The following MYBL1 variants were observed in gnomAD, a reference collection of about 807,000 sequenced individuals.
MYBL1 encodes MYB proto-oncogene like 1.
MYBL1 carries 17 observed loss-of-function variants against 96.3 expected under a neutral mutation model. The observed-to-expected ratio is 0.18, with a 90% CI of 0.12 to 0.26. MYBL1 has a LOEUF of 0.26. Among genes scored for constraint, MYBL1 ranks in the 10% least tolerant of loss-of-function variants. The pLI is 1.00. For missense variants in MYBL1, 701 were observed against 882.9 expected, an observed-to-expected ratio of 0.79 and a Z score of 2.61; for synonymous variants, 282 against 292.7, an observed-to-expected ratio of 0.96 and a Z score of 0.37.
chr8:66,585,748 A>G (rs948207513), intron 8 of MYBL1, among the ~76,000 whole-genome samples: 3 of 152,168 alleles, frequency 2.0e-5, no homozygotes, highest in African/African-American at 4.8e-5. Context: ...GTCTCAAAAA[A>G]AGAAAGAAAA....
At chr8:66,592,312 AAAAAC>A (rs1196737757) in intron 8 of MYBL1, 123 bp downstream of exon 8, 15 of 676,894 alleles carry the variant, frequency 2.2e-5, no homozygotes, top group Non-Finnish European at 3.6e-5. Context: ...CAAATTAAAA[AAAAAC>A]AAAACTATTT....
At chr8:66,564,996 A>G (rs1218311302) in intron 15 of MYBL1, 171 bp from the exon 16 acceptor site, 2 of 379,292 alleles carry the variant, frequency 5.3e-6, no homozygotes, top group Non-Finnish European at 9.0e-6. Flanking sequence ...TTTAAAATAT[A>G]TACTGAAATA....
chr8:66,589,264 A>C (rs974175255), intron 8 of MYBL1, among the ~76,000 whole-genome samples: 1 of 152,002 alleles, frequency 6.6e-6, no homozygotes, highest in African/African-American at 2.4e-5. Context: ...AAAATGGTTT[A>C]AACATGATAT....
At chr8:66,568,747 C>T (rs1808612716) in intron 12 of MYBL1, among the ~76,000 whole-genome samples, 1 of 152,088 alleles carries the variant, frequency 6.6e-6, no homozygotes, top group South Asian at 2.1e-4. Context: ...CATCACCCAG[C>T]CGGGCGCAGT....
intron 1 of MYBL1, chr8:66,612,508 A>G: frequency 2.7e-6 from 1 of 369,010 alleles, no homozygotes; most frequent in East Asian, 3.9e-5. Flanking sequence ...AAAGCGCTCG[A>G]CTTACCTGGC....
chr8:66,577,840 T>C (rs1193475950), intron 9 of MYBL1, among the ~76,000 whole-genome samples: 2 of 152,174 alleles, frequency 1.3e-5, no homozygotes, highest in Non-Finnish European at 2.9e-5. Context: ...ACTACAAGGC[T>C]ACAGTAACCA....
intron 8 of MYBL1, among the ~76,000 whole-genome samples, chr8:66,591,543 C>G (rs1038637644): frequency 1.3e-5 from 2 of 151,982 alleles, no homozygotes; most frequent in African/African-American, 4.8e-5. Flanking sequence ...GTAACCAACA[C>G]CCAACATCTA....
chr8:66,568,032 G>T (rs1808577097), intron 12 of MYBL1, among the ~76,000 whole-genome samples: 1 of 141,742 alleles, frequency 7.1e-6, no homozygotes, highest in African/African-American at 2.7e-5. Context: ...GGGCAACAGA[G>T]CCAGACTCCG....
At chr8:66,575,269 C>T (rs1221717859) in intron 10 of MYBL1, among the ~76,000 whole-genome samples, 3 of 117,978 alleles carry the variant, frequency 2.5e-5, no homozygotes, top group Non-Finnish European at 4.6e-5. Context: ...AAGGAAAAAC[C>T]TCAGTGGGCA....
At chr8:66,591,533 G>A (rs1040536224) in intron 8 of MYBL1, among the ~76,000 whole-genome samples, 3 of 151,904 alleles carry the variant, frequency 2.0e-5, no homozygotes, top group African/African-American at 7.3e-5. Flanking sequence ...TTCACATGTG[G>A]TAACCAACAC....
chr8:66,608,782 T>G (rs1215550437), intron 1 of MYBL1, among the ~76,000 whole-genome samples: 1 of 152,134 alleles, frequency 6.6e-6, no homozygotes, highest in African/African-American at 2.4e-5. Flanking sequence ...CTTCCTACTA[T>G]GTAGTTAAAT....
Position 66,602,728 on chromosome 8 carries a change from TATA to T in MYBL1, c.21-208_21-206del, listed in dbSNP as rs1306607835. ...ATATATATATATATATATATATATA[TATA>T]TATTTTTTTTTTTTTTTTTTTTTTT... On this transcript the variant is annotated intron_variant, in intron 1 of 15. Coordinates refer to ENST00000522677, the MANE Select transcript of MYBL1 (RefSeq NM_001080416.4). 5.6e-3 allele frequency among the ~76,000 whole-genome samples: 279 copies of T among 50,008 alleles called. 4 individuals are homozygous for T. Among genetic ancestry groups the T allele is most frequent in the Middle Eastern group, 9.1e-3 (1 of 110 alleles). The allele number at this position is 50,008 out of a possible 152,430, so 32.8% of individuals were successfully genotyped here.
intron 3 of MYBL1, among the ~76,000 whole-genome samples, chr8:66,599,754 T>C (rs1236927351): frequency 6.6e-6 from 1 of 151,756 alleles, no homozygotes; most frequent in Non-Finnish European, 1.5e-5. Context: ...GAGCCGAGAT[T>C]GCACCATTGC....
At chr8:66,601,442 C>T (rs1262294472) in intron 3 of MYBL1, among the ~76,000 whole-genome samples, 22 of 151,956 alleles carry the variant, frequency 1.4e-4, no homozygotes, top group Non-Finnish European at 2.9e-5. Context: ...TAAGGTCCCA[C>T]ATACATTTAT....
intron 12 of MYBL1, 37 bp from the exon 13 acceptor site, chr8:66,567,029 A>C (rs1399376526): frequency 7.1e-7 from 1 of 1,406,454 alleles, no homozygotes. Flanking sequence ...AAAGTCATTT[A>C]TAGCAATTCC....
intron 8 of MYBL1, among the ~76,000 whole-genome samples, chr8:66,585,845 C>T (rs892463177): frequency 1.3e-5 from 2 of 151,940 alleles, no homozygotes; most frequent in African/African-American, 4.8e-5. Context: ...CAAAAATAGA[C>T]AAATGGGATT....
chr8:66,578,130 G>C (rs11987597), intron 9 of MYBL1, among the ~76,000 whole-genome samples: 11,715 of 151,446 alleles, frequency 0.077, 892 homozygotes, highest in African/African-American at 0.19. Flanking sequence ...AAAAACCCGA[G>C]AAGAAAACCT....
chr8:66,591,786 T>C (rs1434466057), intron 8 of MYBL1, among the ~76,000 whole-genome samples: 1 of 152,132 alleles, frequency 6.6e-6, no homozygotes, highest in Non-Finnish European at 1.5e-5. Flanking sequence ...TTACATGGAA[T>C]GTCTAAAATA....
chr8:66,612,999 G>C lies in MYBL1; in HGVS notation c.-161C>G. ...CGTCCTCGACAGGGCAGGACGGAGG[G>C]ACAGCGGGGGCGGACCGCGACCCGA... is the stretch of plus-strand genomic sequence containing the variant. On this transcript the variant is annotated 5_prime_UTR_variant, in exon 1 of 16. Transcript: ENST00000522677. 1.2e-6 allele frequency: 1 copy of C among 811,050 alleles called. No homozygotes were observed. Among genetic ancestry groups the C allele is most frequent in the Non-Finnish European group, 1.7e-6 (1 of 590,940 alleles). The allele number at this position is 811,050 out of a possible 1,614,324, so 50.2% of individuals were successfully genotyped here.
Sources: gnomAD v4.1 joint callset for allele counts (sites outside exome capture counted in the v4.1 genomes callset) on GRCh38, gnomAD v4.1.1 for gene constraint, MANE v1.5 for transcripts, NCBI Gene and HGNC (gene_info 2026-07-23, HGNC 2026-07-21) for gene names.